THEMIS: variants seen among roughly 807,000 people sequenced by gnomAD.
The protein encoded by THEMIS is protein THEMIS.
In THEMIS, 37 loss-of-function variants were observed where a neutral mutation model predicts 52.6. The observed-to-expected ratio is 0.70, with a 90% CI of 0.54 to 0.93. The LOEUF (loss-of-function observed/expected upper bound fraction) is 0.93, where lower values mean the gene tolerates loss of function less well. THEMIS is among the 40% of genes least tolerant of loss of function. The pLI is 0.00. For missense variants in THEMIS, 808 were observed against 763.1 expected (o/e 1.06, Z -0.69); for synonymous variants, 292 against 272.7 (o/e 1.07, Z -0.70).
chr6:127,755,621 T>A (rs1186104878), intron 4 of THEMIS, among the ~76,000 whole-genome samples: 1 of 152,196 alleles, frequency 6.6e-6, no homozygotes, highest in Non-Finnish European at 1.5e-5. Context: ...CTCCATACTT[T>A]AGCAATTTTC....
intron 4 of THEMIS, among the ~76,000 whole-genome samples, chr6:127,723,394 T>C (rs1774429510): frequency 6.6e-6 from 1 of 152,050 alleles, no homozygotes; most frequent in Non-Finnish European, 1.5e-5. Context: ...CTTAGTCTCC[T>C]TTGCTGGAGT....
intron 2 of THEMIS, among the ~76,000 whole-genome samples, chr6:127,847,870 A>C (rs1364146465): frequency 6.7e-6 from 1 of 150,258 alleles, no homozygotes; most frequent in African/African-American, 2.4e-5. Context: ...ATCTGGAGGG[A>C]TCACGTTACT....
intron 1 of THEMIS, among the ~76,000 whole-genome samples, chr6:127,893,031 A>G (rs567027360): frequency 6.6e-6 from 1 of 152,224 alleles, no homozygotes; most frequent in South Asian, 2.1e-4. Context: ...TTATGTAAAT[A>G]TTCCCCTTGT....
intron 4 of THEMIS, among the ~76,000 whole-genome samples, chr6:127,811,266 G>A (rs557639810): frequency 4.3e-4 from 65 of 152,150 alleles, no homozygotes; most frequent in Non-Finnish European, 7.9e-4. Context: ...TAGGTTAGTA[G>A]CTGACGTGGG....
intron 4 of THEMIS, among the ~76,000 whole-genome samples, chr6:127,809,678 A>G (rs1358802535): frequency 6.6e-6 from 1 of 151,966 alleles, no homozygotes; most frequent in East Asian, 1.9e-4. Flanking sequence ...ATGATTTCCT[A>G]TCTTCTACTA....
chr6:127,855,177 CATAA>C lies in THEMIS; in HGVS notation c.99_102del (p.Ile33MetfsTer15). The C allele has an allele frequency of 3.1e-6, 5 of 1,596,934 alleles. No homozygotes were observed. Among genetic ancestry groups the C allele is most frequent in the Non-Finnish European group, 4.3e-6 (5 of 1,173,374 alleles). On this transcript the variant is annotated frameshift_variant, in exon 2 of 6. Coordinates refer to ENST00000368248, the MANE Select transcript of THEMIS (RefSeq NM_001010923.3). LOFTEE classifies it high-confidence loss of function. ...AAACAGCATTCATTTCCAAACATTT[CATAA>C]ATAGAGCCTAAAAGGAAAGAAAAGT...
At chr6:127,868,078 T>C (rs1293051306) in intron 1 of THEMIS, among the ~76,000 whole-genome samples, 1 of 152,126 alleles carries the variant, frequency 6.6e-6, no homozygotes, top group Non-Finnish European at 1.5e-5. Context: ...ACTTCACCTG[T>C]AAAATAAAGA....
chr6:127,842,451 A>C (rs531952799), intron 2 of THEMIS, among the ~76,000 whole-genome samples: 2 of 152,140 alleles, frequency 1.3e-5, no homozygotes, highest in African/African-American at 4.8e-5. Flanking sequence ...TACAGAAACA[A>C]TTCTATTAAT....
At chr6:127,913,584 C>A (rs1326132246) in intron 1 of THEMIS, among the ~76,000 whole-genome samples, 1 of 152,186 alleles carries the variant, frequency 6.6e-6, no homozygotes, top group Non-Finnish European at 1.5e-5. Context: ...CCCAAGATGA[C>A]AGAATAGAAT....
rs116598959 is a variant in THEMIS at position 127,880,332 on chromosome 6, C to T, written c.91+20510G>A. ...TCAAATTACCATTATTTCAAAATTC[C>T]ATAAACTCTTTGAGCAAGCCAAATA... On this transcript the variant is annotated intron_variant, in intron 1 of 5. Coordinates refer to ENST00000368248, the MANE Select transcript of THEMIS (RefSeq NM_001010923.3). Among the ~76,000 whole-genome samples the T allele has an allele frequency of 3.7e-3, 556 of 152,116 alleles. 6 individuals are homozygous for T. Among genetic ancestry groups the T allele is most frequent in the African/African-American group, 0.013 (533 of 41,494 alleles).
At chr6:127,904,904 T>C, upstream of THEMIS, among the ~76,000 whole-genome samples, 1 of 152,010 alleles carries the variant, frequency 6.6e-6, no homozygotes, top group East Asian at 1.9e-4. Context: ...AGAGGATTGT[T>C]GAACTGGAAA....
intron 3 of THEMIS, among the ~76,000 whole-genome samples, chr6:127,825,182 A>G (rs928940904): frequency 6.6e-6 from 1 of 152,160 alleles, no homozygotes; most frequent in African/African-American, 2.4e-5. Context: ...GAAGATCAGT[A>G]TGGGAATTTC....
chr6:127,899,001 G>GATTA (rs1159174687), intron 1 of THEMIS, among the ~76,000 whole-genome samples: 1 of 151,724 alleles, frequency 6.6e-6, no homozygotes, highest in Non-Finnish European at 1.5e-5. Context: ...GGGGTTGGTT[G>GATTA]ATTAATGGGT....
At chr6:127,902,324 C>CA (rs35320887), upstream of THEMIS, among the ~76,000 whole-genome samples, 40,898 of 108,644 alleles carry the variant, frequency 0.38, 8,018 homozygotes, top group Middle Eastern at 0.51. Context: ...GACTCTGTCT[C>CA]AAAAAAAAAA....
At chr6:127,856,980 A>G (rs1779639330) in intron 1 of THEMIS, among the ~76,000 whole-genome samples, 1 of 151,908 alleles carries the variant, frequency 6.6e-6, no homozygotes, top group South Asian at 2.1e-4. Context: ...CTCCCAATTC[A>G]ATTTTAAACT....
At chr6:127,743,744 T>C (rs1158989310) in intron 4 of THEMIS, among the ~76,000 whole-genome samples, 4 of 152,050 alleles carry the variant, frequency 2.6e-5, no homozygotes, top group Admixed American at 2.6e-4. Context: ...CCCAAATTCC[T>C]GAGGTACACA....
Position 127,784,950 on chromosome 6 carries a change from ACTATCTATCTATCTATCTATCTAT to A in THEMIS, c.1758+27909_1758+27932del, listed in dbSNP as rs59805084. Among the ~76,000 whole-genome samples the A allele has an allele frequency of 3.8e-4, 56 of 145,506 alleles. 1 individual carries two copies. Among genetic ancestry groups the A allele is most frequent in the Middle Eastern group, 3.8e-3 (1 of 266 alleles). Reference sequence around the variant, plus strand: ...ATCTTCAGATAGCAAAGGCAGTCACACTATCTATCTATCTATCTATCTATCTATCTATCTATCTATCTATCTATC... The same window carrying A: ...ATCTTCAGATAGCAAAGGCAGTCACACTATCTATCTATCTATCTATCTATC... On this transcript the variant is annotated intron_variant, in intron 4 of 5. Transcript: ENST00000368248.
intron 4 of THEMIS, among the ~76,000 whole-genome samples, chr6:127,722,612 T>A (rs1170514365): frequency 1.3e-5 from 2 of 151,988 alleles, no homozygotes; most frequent in Non-Finnish European, 2.9e-5. Flanking sequence ...TGAAGACACC[T>A]CTTCTTCTGT....
chr6:127,906,076 A>G (rs1430864586), intron 1 of THEMIS, among the ~76,000 whole-genome samples: 3 of 151,312 alleles, frequency 2.0e-5, no homozygotes, highest in African/African-American at 7.2e-5. Context: ...TAGTTCAAGT[A>G]ATAAACTAAT....
Sources: gnomAD v4.1 joint callset for allele counts (sites outside exome capture counted in the v4.1 genomes callset) on GRCh38, gnomAD v4.1.1 for gene constraint, MANE v1.5 for transcripts, NCBI Gene and HGNC (gene_info 2026-07-23, HGNC 2026-07-21) for gene names.